Variants in RBM23 observed in about 807,000 individuals in gnomAD.
RBM23 encodes RNA binding motif protein 23.
In RBM23, 53 loss-of-function variants were observed where a neutral mutation model predicts 56.2. The ratio of observed to expected loss-of-function variants is 0.94; its 90% CI spans 0.76 to 1.19. The LOEUF (loss-of-function observed/expected upper bound fraction) is 1.19, where lower values mean the gene tolerates loss of function less well. RBM23 is among the 50% of genes most tolerant of loss of function. The pLI is 0.00. For missense variants in RBM23, 642 were observed against 590.3 expected, an observed-to-expected ratio of 1.09 and a Z score of -0.91; for synonymous variants, 197 against 198.5, an observed-to-expected ratio of 0.99 and a Z score of 0.06.
In RBM23 at chr14:22,903,436, C is replaced by T. The variant is rs1469573205; in HGVS notation, c.930+825G>A. ...TTACTTGCCACCACAGAATTGTCAA[C>T]ACCACAGCTAGCTTGTTTAGCTAGC... On this transcript the variant is annotated intron_variant, in intron 10 of 13. Coordinates refer to ENST00000359890, the MANE Select transcript of RBM23 (RefSeq NM_001077351.2). The T allele has an allele frequency of 3.0e-6, 3 of 985,520 alleles. No homozygotes were observed. The South Asian group carries it at 1.4e-4, about 46-fold the overall frequency. The allele number at this position is 985,520 out of a possible 1,614,324, so 61.0% of individuals were successfully genotyped here. A position where few individuals can be genotyped will look rare whatever the true frequency, so the allele number is the denominator to read the frequency against.
chr14:22,916,368 A>C (rs2043496359), intron 1 of RBM23, among the ~76,000 whole-genome samples: 1 of 151,100 alleles, frequency 6.6e-6, no homozygotes, highest in African/African-American at 2.4e-5. Context: ...GCAATCCTCT[A>C]ACCTCAGCTT....
At chr14:22,914,831 A>G (rs1298926547) in intron 1 of RBM23, among the ~76,000 whole-genome samples, 3 of 151,620 alleles carry the variant, frequency 2.0e-5, no homozygotes, top group Non-Finnish European at 2.9e-5. Context: ...AAAGACACAA[A>G]AATTAGCCGG....
At position 22,893,482 on chromosome 14, in the gene RBM23, A is replaced by C. The variant is rs2040198327; in HGVS notation, c.*8248T>G. 1 of 152,240 alleles carries C rather than the reference A, an allele frequency of 6.6e-6. No homozygotes were observed. The highest frequency in any genetic ancestry group is 1.5e-5 in the Non-Finnish European group (1 of 68,042). The allele number at this position is 152,240 out of a possible 1,614,324, so 9.4% of individuals were successfully genotyped here. A position where few individuals can be genotyped will look rare whatever the true frequency, so the allele number is the denominator to read the frequency against. ...AAAACAGGCAAAATAGCAGCAAACA[A>C]TACCACATTCTATCTAACTGGGGGC... is the stretch of plus-strand genomic sequence containing the variant. On this transcript the variant is annotated 3_prime_UTR_variant, in exon 14 of 14. Coordinates refer to ENST00000359890, the MANE Select transcript of RBM23 (RefSeq NM_001077351.2).
rs529050622 is a variant in RBM23, at chr14:22,893,209, A to G, written c.*8521T>C. 1 of 152,398 alleles carries G rather than the reference A, an allele frequency of 6.6e-6. No homozygotes were observed. Among genetic ancestry groups the G allele is most frequent in the East Asian group, 1.9e-4 (1 of 5,194 alleles). 9.4% of individuals were successfully genotyped at this position (152,398 alleles called of 1,614,324 possible). A position where few individuals can be genotyped will look rare whatever the true frequency, so the allele number is the denominator to read the frequency against. ...AAACCCTCACTCCCAGGAAGTTCAC[A>G]CACACACATCTTTTTATTAATCTAA... On this transcript the variant is annotated 3_prime_UTR_variant, in exon 14 of 14. Transcript: ENST00000359890.
chr14:22,900,621 A>G lies in RBM23; in HGVS notation c.*1109T>C, dbSNP rs1261599028. 6.6e-6 allele frequency: 1 copy of G among 152,080 alleles called. No individual in the cohort carries two copies. The highest frequency in any genetic ancestry group is 2.4e-5 in the African/African-American group (1 of 41,356). The allele number at this position is 152,080 out of a possible 1,614,324, so 9.4% of individuals were successfully genotyped here. ...TGTGAGTTTTCATTTTTCTTTCTAA[A>G]GGTGGTTAAATAAATAAACACAATG... On this transcript the variant is annotated 3_prime_UTR_variant, in exon 14 of 14. Transcript: ENST00000359890.
intron 1 of RBM23, among the ~76,000 whole-genome samples, chr14:22,918,630 A>C (rs1427675645): frequency 6.6e-6 from 1 of 152,130 alleles, no homozygotes; most frequent in Non-Finnish European, 1.5e-5. Flanking sequence ...TGGTGGTGCG[A>C]GTGGCTGAAA....
intron 8 of RBM23, 40 bp downstream of exon 8, chr14:22,905,054 C>T (rs772713245): frequency 3.1e-6 from 5 of 1,614,056 alleles, no homozygotes; most frequent in East Asian, 2.2e-5. Context: ...CACATTCCCT[C>T]TCCCCTTAAA....
Position 22,902,026 on chromosome 14 carries a change from C to G in RBM23, c.1200G>C (p.Leu400=). 1 of 1,611,440 alleles carries G rather than the reference C, an allele frequency of 6.2e-7. No individual in the cohort carries two copies. The highest frequency in any genetic ancestry group is 8.5e-7 in the Non-Finnish European group (1 of 1,178,902). The change falls in exon 12 of 14, where the codon CTG becomes CTC. Residue 400 remains leucine, a synonymous_variant. Transcript: ENST00000359890. ...GGGCCCCCAAGGGAACTGCTCCATTCAGTTGCAAGGCAGCAGCCTGGGCGG... is the reference window on the plus strand; with the variant it reads ...GGGCCCCCAAGGGAACTGCTCCATTGAGTTGCAAGGCAGCAGCCTGGGCGG... ...AAAAQAAALQ[L]NGAVPLGALN... is the part of the protein sequence containing the mutation.
chr14:22,905,416 C>A lies in RBM23; in HGVS notation c.493G>T (p.Ala165Ser), dbSNP rs1166395114. The A allele has an allele frequency of 5.0e-6, 8 of 1,614,058 alleles. No individual in the cohort carries two copies. Among genetic ancestry groups the A allele is most frequent in the Non-Finnish European group, 6.8e-6 (8 of 1,180,042 alleles). ...AACTGCATACAGAAAACTGTGCGGG[C>A]ATCACGCTCCTCAGGACTCAGATTA... The part of the protein sequence containing the change: ...VDNLSPEERD[A>S]RTVFCMQLAA... Residue 165 changes from alanine to serine, a missense_variant, in exon 7 of 14, where the codon GCC becomes TCC. Transcript: ENST00000359890.
rs1471665296 is a variant in RBM23, at chr14:22,905,587, G to C, written c.455+19C>G. ...TTCATACCTCACAATCCCTAAAACAGTGTTCATTATCAACCCACCTGACTG... is the reference window on the plus strand; with the variant it reads ...TTCATACCTCACAATCCCTAAAACACTGTTCATTATCAACCCACCTGACTG... On this transcript the variant is annotated intron_variant, in intron 6 of 13. Transcript: ENST00000359890. 4.4e-6 allele frequency: 7 copies of C among 1,608,304 alleles called. No individual in the cohort carries two copies. The highest frequency in any genetic ancestry group is 3.3e-5 in the Admixed American group (2 of 60,018).
rs542364596 is a variant in RBM23, at chr14:22,913,443, T to A, written c.-10-2040A>T. ...AAAAAAAAAAAAAATTAAAAAAAAT[T>A]AAAAGGGCACAAGAAAAACTTTGGG... On this transcript the variant is annotated intron_variant, in intron 1 of 13. Transcript: ENST00000359890. 5.1e-4 allele frequency among the ~76,000 whole-genome samples: 76 copies of A among 147,900 alleles called. No individual in the cohort carries two copies. The East Asian group carries it at 0.01, about 20-fold the overall frequency.
chr14:22,913,478 G>C (rs1253434833), intron 1 of RBM23, among the ~76,000 whole-genome samples: 1 of 151,690 alleles, frequency 6.6e-6, no homozygotes, highest in Non-Finnish European at 1.5e-5. Flanking sequence ...GACCAACTTT[G>C]GGGCCAGGAG....
Position 22,902,086 on chromosome 14 carries a change from T to C in RBM23, c.1140A>G (p.Gln380=), listed in dbSNP as rs778856207. The change falls in exon 12 of 14, where the codon CAA becomes CAG. Residue 380 remains glutamine (Q), a synonymous_variant. Coordinates refer to ENST00000359890, the MANE Select transcript of RBM23 (RefSeq NM_001077351.2). Reference sequence around the variant, plus strand: ...CAGCAGCAGCAGCAGTGCTTGGCAGTTGGATTCCAGCGCCTAAAAGGAAAA... The same window carrying C: ...CAGCAGCAGCAGCAGTGCTTGGCAGCTGGATTCCAGCGCCTAAAAGGAAAA... ...MAKLAEGAGI[Q]LPSTAAAAAA... The C allele has an allele frequency of 5.0e-6, 8 of 1,609,696 alleles. No homozygotes were observed. In the Admixed American group the frequency reaches 1.3e-4, roughly 27 times the overall value.
Position 22,905,234 on chromosome 14 carries a change from G to A in RBM23, c.586C>T (p.Arg196Cys), listed in dbSNP as rs374068662. The change falls in exon 8 of 14, where the codon CGT becomes TGT. Residue 196 changes from arginine (R) to cysteine (C), a missense_variant. Arg to Cys is a radical substitution (Grantham distance 180). Coordinates refer to ENST00000359890, the MANE Select transcript of RBM23 (RefSeq NM_001077351.2). ...CGTGAGTTCCGATCTGAGATGATAC[G>A]TACATCGCGAACCTATCCAGGACGC... ...FSAVGKVRDV[R>C]IISDRNSRRS... 12 of 1,614,012 alleles carry A rather than the reference G, an allele frequency of 7.4e-6. No individual in the cohort carries two copies. The Admixed American group carries it at 8.3e-5, about 11-fold the overall frequency.
At position 22,902,085 on chromosome 14, in the gene RBM23, G is replaced by A. The variant is rs770862663; in HGVS notation, c.1141C>T (p.Leu381=). 2.2e-5 allele frequency: 35 copies of A among 1,610,012 alleles called. No homozygotes were observed. Among genetic ancestry groups the A allele is most frequent in the Non-Finnish European group, 2.9e-5 (34 of 1,177,684 alleles). The change falls in exon 12 of 14, where the codon CTG becomes TTG. Residue 381 remains leucine, a synonymous_variant. Transcript: ENST00000359890. ...GCAGCAGCAGCAGCAGTGCTTGGCAGTTGGATTCCAGCGCCTAAAAGGAAA... is the reference window on the plus strand; with the variant it reads ...GCAGCAGCAGCAGCAGTGCTTGGCAATTGGATTCCAGCGCCTAAAAGGAAA... The part of the protein sequence containing the change: ...AKLAEGAGIQ[L]PSTAAAAAAA...
chr14:22,911,534 C>T lies in RBM23; in HGVS notation c.-10-131G>A, dbSNP rs1052652412. ...GATTTCAGTTCTGTTTCTTGAACTG[C>T]AAAGAAACCTTACCAGCTGTCACTT... On this transcript the variant is annotated intron_variant, in intron 1 of 13. Coordinates refer to ENST00000359890, the MANE Select transcript of RBM23 (RefSeq NM_001077351.2). The T allele has an allele frequency of 4.4e-6, 3 of 677,444 alleles. No individual in the cohort carries two copies. In the African/African-American group the frequency reaches 5.5e-5, roughly 12 times the overall value. The allele number at this position is 677,444 out of a possible 1,614,324, so 42.0% of individuals were successfully genotyped here. A position where few individuals can be genotyped will look rare whatever the true frequency, so the allele number is the denominator to read the frequency against.
At position 22,904,412 on chromosome 14, in the gene RBM23, T is replaced by C; in HGVS notation, c.865-86A>G. 5 of 1,178,984 alleles carry C rather than the reference T, an allele frequency of 4.2e-6. No homozygotes were observed. The South Asian group carries it at 5.5e-5, about 13-fold the overall frequency. 73.0% of individuals were successfully genotyped at this position (1,178,984 alleles called of 1,614,324 possible). On this transcript the variant is annotated intron_variant, in intron 9 of 13. Transcript: ENST00000359890. Reference sequence around the variant, plus strand: ...TACCCAGACTGCTTTTTTTTTTTTTTTGAGACAGAGTCTCAAAAAGTCTCA... The same window carrying C: ...TACCCAGACTGCTTTTTTTTTTTTTCTGAGACAGAGTCTCAAAAAGTCTCA...
chr14:22,906,820 C>T (rs1252139671), intron 4 of RBM23, among the ~76,000 whole-genome samples: 2 of 152,306 alleles, frequency 1.3e-5, no homozygotes, highest in East Asian at 3.9e-4. Flanking sequence ...GGGCAGATCA[C>T]CTGAGGTCGA....
rs74039804 is a variant in RBM23, at chr14:22,901,716, A to G, written c.*14T>C. On this transcript the variant is annotated 3_prime_UTR_variant, in exon 14 of 14. Coordinates refer to ENST00000359890, the MANE Select transcript of RBM23 (RefSeq NM_001077351.2). ...ATCCAGAGGCACAAGGAGGCAGTAT[A>G]CTGTGCCACTGATTTACCTGTGGAA... 2.2e-3 allele frequency: 3,581 copies of G among 1,612,274 alleles called. 63 individuals carry two copies. The African/African-American group carries it at 0.043, about 19-fold the overall frequency.
Sources: allele counts gnomAD v4.1 joint callset (sites outside exome capture counted in the v4.1 genomes callset), GRCh38; gene constraint gnomAD v4.1.1; transcripts MANE v1.5; gene names NCBI Gene and HGNC (gene_info 2026-07-23, HGNC 2026-07-21).